Variants in VTI1A observed in about 807,000 individuals in gnomAD.
The protein encoded by VTI1A is vesicle transport through interaction with t-SNAREs homolog 1A.
Under a neutral mutation model 34.9 loss-of-function variants are expected in VTI1A, and 22 were observed. That is an observed-to-expected ratio of 0.63 (90% CI 0.45 to 0.90). The LOEUF (loss-of-function observed/expected upper bound fraction) is 0.90, where lower values mean the gene tolerates loss of function less well. Ranked by LOEUF, VTI1A falls within the 40% of genes least tolerant of loss-of-function variation. The pLI is 0.00. For missense variants in VTI1A, 268 were observed against 275.6 expected (o/e 0.97, Z 0.20); for synonymous variants, 87 against 97.3 (o/e 0.89, Z 0.62).
chr10:112,592,991 T>G (rs1564840407), intron 5 of VTI1A, among the ~76,000 whole-genome samples: 1 of 152,192 alleles, frequency 6.6e-6, no homozygotes, highest in South Asian at 2.1e-4. Flanking sequence ...CAATTGAGAT[T>G]ATTCAGTTTA....
intron 5 of VTI1A, among the ~76,000 whole-genome samples, chr10:112,657,106 C>A (rs1847260069): frequency 6.6e-6 from 1 of 152,140 alleles, no homozygotes; most frequent in Admixed American, 6.5e-5. Flanking sequence ...CCTGTTCAGC[C>A]TGCAGAACTG....
rs112290050 is a variant in VTI1A at position 112,569,153 on chromosome 10, C to CA, written c.427+30835dup. ...GTGGGCACAGAGCAAGATTCCATCTCAAAAAAAAAAAAGCTATGGGAAAAA... is the reference window on the plus strand; with the variant it reads ...GTGGGCACAGAGCAAGATTCCATCTCAAAAAAAAAAAAAGCTATGGGAAAAA... On this transcript the variant is annotated intron_variant, in intron 5 of 7. Coordinates refer to ENST00000393077, the MANE Select transcript of VTI1A (RefSeq NM_145206.4). Among the ~76,000 whole-genome samples, 450 of 133,858 alleles carry CA rather than the reference C, an allele frequency of 3.4e-3. 1 individual carries two copies. The highest frequency in any genetic ancestry group is 7.3e-3 in the African/African-American group (264 of 36,182). The allele number at this position is 133,858 out of a possible 152,430, so 87.8% of individuals were successfully genotyped here.
intron 7 of VTI1A, among the ~76,000 whole-genome samples, chr10:112,671,271 T>G (rs1485576077): frequency 6.6e-6 from 1 of 152,218 alleles, no homozygotes; most frequent in Non-Finnish European, 1.5e-5. Flanking sequence ...CCACATTCTC[T>G]TACTCTTCTT....
intron 7 of VTI1A, 40 bp from the exon 8 acceptor site, chr10:112,815,250 A>G (rs1428183885): frequency 2.6e-6 from 4 of 1,516,632 alleles, no homozygotes; most frequent in South Asian, 1.2e-5. Context: ...AAGGCCTTCC[A>G]CTTATCTGTG....
intron 5 of VTI1A, among the ~76,000 whole-genome samples, chr10:112,595,410 C>T (rs1315875036): frequency 2.0e-5 from 3 of 151,548 alleles, no homozygotes; most frequent in Non-Finnish European, 4.4e-5. Flanking sequence ...GCAACCTACT[C>T]ATCTGACAAA....
intron 7 of VTI1A, among the ~76,000 whole-genome samples, chr10:112,803,259 G>C (rs974935760): frequency 6.6e-6 from 1 of 152,018 alleles, no homozygotes; most frequent in Non-Finnish European, 1.5e-5. Flanking sequence ...GTAGAGATGG[G>C]GTTTTACCAG....
At chr10:112,811,652 C>G (rs9421143) in intron 7 of VTI1A, among the ~76,000 whole-genome samples, 26,191 of 141,542 alleles carry the variant, frequency 0.19, 3,399 homozygotes, top group African/African-American at 0.37. Flanking sequence ...CCACTGCACT[C>G]CAGCCTGGGC....
intron 7 of VTI1A, among the ~76,000 whole-genome samples, chr10:112,787,434 T>C (rs1358950748): frequency 6.6e-6 from 1 of 152,120 alleles, no homozygotes; most frequent in African/African-American, 2.4e-5. Context: ...ATTGCTTGTG[T>C]TGGGCTTAAT....
At chr10:112,467,365 C>G (rs1847929990) in intron 3 of VTI1A, among the ~76,000 whole-genome samples, 2 of 151,868 alleles carry the variant, frequency 1.3e-5, no homozygotes, top group South Asian at 4.1e-4. Context: ...ATTCTCTAGG[C>G]CAGGGATGTC....
chr10:112,850,329 G>A, the VTI1A span, among the ~76,000 whole-genome samples: 3 of 143,864 alleles, frequency 2.1e-5, no homozygotes, highest in African/African-American at 5.1e-5. Flanking sequence ...AGTGGTTTTC[G>A]AACTATGTGA....
chr10:112,808,043 C>A (rs1344534005), intron 7 of VTI1A, among the ~76,000 whole-genome samples: 1 of 151,386 alleles, frequency 6.6e-6, no homozygotes, highest in African/African-American at 2.4e-5. Context: ...CATAGTGAGA[C>A]CCTGTCTTTA....
At chr10:112,696,488 T>C (rs1238815714) in intron 7 of VTI1A, among the ~76,000 whole-genome samples, 1 of 152,212 alleles carries the variant, frequency 6.6e-6, no homozygotes, top group Non-Finnish European at 1.5e-5. Context: ...ACATTCTATA[T>C]CCATTTTTGC....
chr10:112,702,158 T>G (rs570210869), intron 7 of VTI1A, among the ~76,000 whole-genome samples: 2 of 152,298 alleles, frequency 1.3e-5, no homozygotes, highest in Admixed American at 1.3e-4. Flanking sequence ...ATCTTCCTCC[T>G]TTTCTAATAC....
At chr10:112,510,659 C>T (rs1849576515) in intron 3 of VTI1A, among the ~76,000 whole-genome samples, 1 of 151,974 alleles carries the variant, frequency 6.6e-6, no homozygotes, top group Admixed American at 6.6e-5. Context: ...ACCACCACCA[C>T]CACAAAAACA....
chr10:112,839,786 C>T, the VTI1A span, among the ~76,000 whole-genome samples: 1 of 152,202 alleles, frequency 6.6e-6, no homozygotes, highest in Non-Finnish European at 1.5e-5. Context: ...GGCCACTTCC[C>T]TCTCAGGAGG....
At chr10:112,479,900 A>G (rs1848407396) in intron 3 of VTI1A, among the ~76,000 whole-genome samples, 1 of 152,166 alleles carries the variant, frequency 6.6e-6, no homozygotes, top group Non-Finnish European at 1.5e-5. Flanking sequence ...CCTTTTATCC[A>G]GTTAATCTGT....
intron 7 of VTI1A, among the ~76,000 whole-genome samples, chr10:112,796,961 A>G (rs191900153): frequency 2.4e-4 from 37 of 152,322 alleles, no homozygotes; most frequent in Admixed American, 6.5e-4. Context: ...GACTCAAAGC[A>G]TAGCACAGGG....
the VTI1A span, among the ~76,000 whole-genome samples, chr10:112,850,124 C>T: frequency 6.6e-6 from 1 of 152,108 alleles, no homozygotes; most frequent in Non-Finnish European, 1.5e-5. Flanking sequence ...AATATAATAC[C>T]TTGCACATCT....
chr10:112,854,778 G>A, the VTI1A span, among the ~76,000 whole-genome samples: 12 of 152,306 alleles, frequency 7.9e-5, no homozygotes, highest in African/African-American at 2.6e-4. Context: ...ATCGGGAAGC[G>A]ATAAGAAGGA....
Sources: allele counts gnomAD v4.1 joint callset (sites outside exome capture counted in the v4.1 genomes callset), GRCh38; gene constraint gnomAD v4.1.1; transcripts MANE v1.5; gene names NCBI Gene and HGNC (gene_info 2026-07-23, HGNC 2026-07-21).